Variants in LDLRAD4 observed in about 807,000 individuals in gnomAD.
The protein encoded by LDLRAD4 is low-density lipoprotein receptor class A domain-containing protein 4.
LDLRAD4 carries 5 observed loss-of-function variants against 17.0 expected under a neutral mutation model. The observed-to-expected ratio is 0.29, with a 90% CI of 0.15 to 0.62. The LOEUF is 0.62. Ranked by LOEUF, LDLRAD4 falls within the 20% of genes least tolerant of loss-of-function variation. The pLI is 0.84. For missense variants in LDLRAD4, 340 were observed against 424.7 expected (o/e 0.80, Z 1.75); for synonymous variants, 168 against 171.8 (o/e 0.98, Z 0.17).
intron 1 of LDLRAD4, among the ~76,000 whole-genome samples, chr18:13,352,777 T>C (rs1166209045): frequency 6.6e-6 from 1 of 152,158 alleles, no homozygotes; most frequent in African/African-American, 2.4e-5. Context: ...CTTCATTCTT[T>C]TTTCTTTCTA....
intron 1 of LDLRAD4, among the ~76,000 whole-genome samples, chr18:13,381,076 G>GTTTTT (rs759672017): frequency 0.02 from 2,596 of 128,372 alleles, 146 homozygotes; most frequent in Admixed American, 0.073. Flanking sequence ...TTTCTCTTTA[G>GTTTTT]TTTTTTTTTT....
intron 3 of LDLRAD4, among the ~76,000 whole-genome samples, chr18:13,548,168 C>T (rs531283334): frequency 6.6e-6 from 1 of 152,242 alleles, no homozygotes; most frequent in Admixed American, 6.5e-5. Flanking sequence ...CTGAGTCTGG[C>T]TGAGTCTGGG....
chr18:13,514,209 G>A (rs117234072), intron 3 of LDLRAD4, among the ~76,000 whole-genome samples: 4,448 of 152,282 alleles, frequency 0.029, 79 homozygotes, highest in Middle Eastern at 0.048. Context: ...GAAGTCCTGG[G>A]TTGTATCCTG....
At chr18:13,559,869 TAC>T (rs56054041) in intron 3 of LDLRAD4, among the ~76,000 whole-genome samples, 112,490 of 151,556 alleles carry the variant, frequency 0.74, 42,312 homozygotes, top group Middle Eastern at 0.85. Context: ...GCACAGCTGG[TAC>T]ACAGCCTCTG....
intron 1 of LDLRAD4, among the ~76,000 whole-genome samples, chr18:13,336,082 A>G (rs2082088338): frequency 6.6e-6 from 1 of 152,144 alleles, no homozygotes; most frequent in Non-Finnish European, 1.5e-5. Flanking sequence ...ACACGGTGAG[A>G]GAGGAAGCAA....
At chr18:13,535,066 A>C (rs1302213041) in intron 3 of LDLRAD4, among the ~76,000 whole-genome samples, 1 of 152,122 alleles carries the variant, frequency 6.6e-6, no homozygotes, top group Admixed American at 6.5e-5. Flanking sequence ...TACTCTGTTC[A>C]TCCACTCATC....
chr18:13,425,650 G>A (rs72874885), intron 2 of LDLRAD4, among the ~76,000 whole-genome samples: 45 of 152,344 alleles, frequency 3.0e-4, no homozygotes, highest in Non-Finnish European at 5.0e-4. Context: ...GGACAGAGCA[G>A]AGCTGGCCTC....
intron 1 of LDLRAD4, among the ~76,000 whole-genome samples, chr18:13,370,928 C>T (rs1329007279): frequency 6.6e-6 from 1 of 152,088 alleles, no homozygotes; most frequent in Admixed American, 6.6e-5. Flanking sequence ...CCAGACTGAT[C>T]TCAAACTCCT....
chr18:13,321,861 CAAAAAAAAAAAAAAAA>C (rs57033432), intron 1 of LDLRAD4, among the ~76,000 whole-genome samples: 9,990 of 61,950 alleles, frequency 0.16, 769 homozygotes, highest in South Asian at 0.22. Flanking sequence ...GACTCCGTCT[CAAAAAAAAAAAAAAAA>C]AAAAAAAAAA....
At chr18:13,476,850 T>G (rs2092952921) in intron 3 of LDLRAD4, among the ~76,000 whole-genome samples, 3 of 152,146 alleles carry the variant, frequency 2.0e-5, no homozygotes, top group African/African-American at 7.2e-5. Context: ...AGATGTGGTC[T>G]CCAGCAGATA....
intron 3 of LDLRAD4, among the ~76,000 whole-genome samples, chr18:13,603,272 C>T (rs998881495): frequency 2.6e-5 from 4 of 152,128 alleles, no homozygotes; most frequent in African/African-American, 7.2e-5. Flanking sequence ...CCTGATGGTC[C>T]ACTTAAATGG....
At chr18:13,496,562 A>G (rs2093474078) in intron 3 of LDLRAD4, among the ~76,000 whole-genome samples, 1 of 152,184 alleles carries the variant, frequency 6.6e-6, no homozygotes, top group African/African-American at 2.4e-5. Context: ...CCTTTAAAGT[A>G]CCCAGTTAAA....
intron 3 of LDLRAD4, chr18:13,488,190 C>T (rs1016566508): frequency 3.3e-5 from 5 of 152,614 alleles, no homozygotes; most frequent in East Asian, 1.9e-4. Flanking sequence ...CGCTTGTCAT[C>T]GCTTCTGTGT....
rs765901511 is a variant in LDLRAD4 at position 13,438,433 on chromosome 18, A to G, written c.181+49A>G. ...TGGCACTGTCTGATGTGGTTCTGAAACGGTTAGGAGGTGGGGTCACTGGGA... is the reference window on the plus strand; with the variant it reads ...TGGCACTGTCTGATGTGGTTCTGAAGCGGTTAGGAGGTGGGGTCACTGGGA... On this transcript the variant is annotated intron_variant, in intron 3 of 5. Transcript: ENST00000359446. 6.4e-6 allele frequency: 10 copies of G among 1,551,338 alleles called. No individual in the cohort carries two copies. The South Asian group carries it at 1.1e-4, about 17-fold the overall frequency.
intron 3 of LDLRAD4, among the ~76,000 whole-genome samples, chr18:13,546,236 A>G (rs2094360465): frequency 6.6e-6 from 1 of 152,124 alleles, no homozygotes; most frequent in South Asian, 2.1e-4. Context: ...GTCAAGGGGT[A>G]AGGGAGGGGA....
Position 13,622,264 on chromosome 18 carries a change from C to T in LDLRAD4, c.336+993C>T, listed in dbSNP as rs993477687. On this transcript the variant is annotated intron_variant, in intron 4 of 5. Transcript: ENST00000359446. This position sits in a 1 kb window ranked among gnomAD's most constrained non-coding sequence, Gnocchi z 5.3. ...CTCTCAGGAGTGCAGGCTCACACTT[C>T]ACTAGGATCATTGGTGCAGCCATCC... is the stretch of plus-strand genomic sequence containing the variant. Among the ~76,000 whole-genome samples, 1 of 152,092 alleles carries T rather than the reference C, an allele frequency of 6.6e-6. No individual in the cohort carries two copies. The highest frequency in any genetic ancestry group is 1.9e-4 in the East Asian group (1 of 5,182).
intron 4 of LDLRAD4, chr18:13,642,759 T>C (rs1320617082): frequency 2.4e-6 from 3 of 1,230,042 alleles, no homozygotes; most frequent in South Asian, 8.2e-5. Context: ...AGCACACAGG[T>C]GTAGAGAGTG....
chr18:13,324,025 G>A (rs759253252), intron 1 of LDLRAD4, among the ~76,000 whole-genome samples: 3 of 151,868 alleles, frequency 2.0e-5, no homozygotes, highest in African/African-American at 4.8e-5. Flanking sequence ...AGATCGTGCC[G>A]CTGCACTCCA....
chr18:13,420,078 GGT>G (rs2089306951), intron 2 of LDLRAD4: 1 of 152,094 alleles, frequency 6.6e-6, no homozygotes, highest in Non-Finnish European at 1.5e-5. Flanking sequence ...TTAAAAGGGG[GGT>G]TCTCAGGACA....
Sources: gnomAD v4.1 joint callset for allele counts (sites outside exome capture counted in the v4.1 genomes callset) on GRCh38, gnomAD v4.1.1 for gene constraint, Gnocchi (gnomAD v3.1) non-coding constraint, MANE v1.5 for transcripts, NCBI Gene and HGNC (gene_info 2026-07-23, HGNC 2026-07-21) for gene names.